FSTL4: variants seen among roughly 807,000 people sequenced by gnomAD.
FSTL4 encodes the protein follistatin like 4.
Under a neutral mutation model 78.2 loss-of-function variants are expected in FSTL4, and 28 were observed. The ratio of observed to expected loss-of-function variants is 0.36; its 90% CI spans 0.27 to 0.49. The LOEUF is 0.49. Ranked by LOEUF, FSTL4 falls within the 20% of genes least tolerant of loss-of-function variation. The pLI is 0.98. For missense variants in FSTL4, 922 were observed against 1,084.9 expected, an observed-to-expected ratio of 0.85 and a Z score of 2.11; for synonymous variants, 422 against 440.5, an observed-to-expected ratio of 0.96 and a Z score of 0.53.
chr5:133,829,216 C>G, the FSTL4 span, among the ~76,000 whole-genome samples: 1 of 152,086 alleles, frequency 6.6e-6, no homozygotes, highest in Non-Finnish European at 1.5e-5. Context: ...ACAGCGAAAC[C>G]CTGTTTCTAC....
At chr5:133,706,990 T>A in the FSTL4 span, among the ~76,000 whole-genome samples, 1 of 152,104 alleles carries the variant, frequency 6.6e-6, no homozygotes, top group Non-Finnish European at 1.5e-5. Flanking sequence ...TCACACTGCA[T>A]CATCATGAGG....
the FSTL4 span, among the ~76,000 whole-genome samples, chr5:133,688,480 T>C: frequency 3.9e-5 from 6 of 152,208 alleles, no homozygotes; most frequent in African/African-American, 1.4e-4. Flanking sequence ...AGAATAGATG[T>C]TAGGAGACAA....
chr5:133,560,553 C>T (rs1157412174), intron 3 of FSTL4, among the ~76,000 whole-genome samples: 6 of 151,868 alleles, frequency 4.0e-5, no homozygotes, highest in Non-Finnish European at 8.8e-5. Flanking sequence ...TTAGTAGAGA[C>T]GGGGTTTTCA....
chr5:133,202,336 C>T (rs1486935320), intron 14 of FSTL4: 5 of 213,664 alleles, frequency 2.3e-5, no homozygotes, highest in Non-Finnish European at 4.6e-5. Context: ...ACCATGATGG[C>T]AGAGTGAGAA....
intron 6 of FSTL4, among the ~76,000 whole-genome samples, chr5:133,307,882 G>A (rs1181912985): frequency 1.3e-5 from 2 of 151,270 alleles, no homozygotes; most frequent in African/African-American, 4.9e-5. Flanking sequence ...CTGGGTTCAC[G>A]CCATTCTCCT....
At chr5:133,448,989 A>G (rs1561721198) in intron 3 of FSTL4, among the ~76,000 whole-genome samples, 1 of 152,082 alleles carries the variant, frequency 6.6e-6, no homozygotes, top group African/African-American at 2.4e-5. Context: ...CCCAGATAAC[A>G]TTTCCATTTT....
intron 3 of FSTL4, among the ~76,000 whole-genome samples, chr5:133,493,507 A>C (rs1483654771): frequency 6.6e-6 from 1 of 152,194 alleles, no homozygotes; most frequent in African/African-American, 2.4e-5. Context: ...AAATTTTCTT[A>C]GTCCCCATTT....
chr5:133,255,340 G>T (rs1224081934), intron 6 of FSTL4, among the ~76,000 whole-genome samples: 1 of 152,252 alleles, frequency 6.6e-6, no homozygotes, highest in Non-Finnish European at 1.5e-5. Context: ...CCTGCTATGA[G>T]AACTGACATT....
At chr5:133,499,073 G>A (rs1758433367) in intron 3 of FSTL4, among the ~76,000 whole-genome samples, 1 of 150,916 alleles carries the variant, frequency 6.6e-6, no homozygotes, top group African/African-American at 2.4e-5. Flanking sequence ...GATATAGCAT[G>A]AGCAGTGACC....
chr5:133,227,938 A>G (rs1751383085), intron 8 of FSTL4, among the ~76,000 whole-genome samples: 1 of 152,226 alleles, frequency 6.6e-6, no homozygotes. Flanking sequence ...TTTAAAAGGA[A>G]ACTTTAGGCC....
At chr5:133,690,206 A>G in the FSTL4 span, among the ~76,000 whole-genome samples, 1 of 152,010 alleles carries the variant, frequency 6.6e-6, no homozygotes, top group East Asian at 1.9e-4. Context: ...TGTCACCTAA[A>G]ATGACCCCCT....
chr5:133,568,486 T>C (rs1760078216), intron 2 of FSTL4, among the ~76,000 whole-genome samples: 1 of 152,134 alleles, frequency 6.6e-6, no homozygotes, highest in Non-Finnish European at 1.5e-5. Flanking sequence ...ACTGGGAAGG[T>C]TGTCCTACCC....
At chr5:133,469,778 C>T (rs1354889141) in intron 3 of FSTL4, among the ~76,000 whole-genome samples, 1 of 152,082 alleles carries the variant, frequency 6.6e-6, no homozygotes, top group East Asian at 1.9e-4. Context: ...CACTGGCGCA[C>T]AGGACAGAGG....
chr5:133,294,702 A>G (rs1249495619), intron 6 of FSTL4, among the ~76,000 whole-genome samples: 1 of 152,150 alleles, frequency 6.6e-6, no homozygotes, highest in African/African-American at 2.4e-5. Flanking sequence ...ATCTACAGGC[A>G]TCCTACTCTC....
At chr5:133,475,378 C>T (rs768890647) in intron 3 of FSTL4, among the ~76,000 whole-genome samples, 3 of 152,186 alleles carry the variant, frequency 2.0e-5, no homozygotes, top group Admixed American at 1.3e-4. Flanking sequence ...ACCGTGGGAA[C>T]GGGGAGGCCA....
intron 3 of FSTL4, among the ~76,000 whole-genome samples, chr5:133,507,866 C>T (rs142004225): frequency 1.3e-4 from 18 of 140,524 alleles, no homozygotes; most frequent in Admixed American, 2.2e-4. Flanking sequence ...TAAAAAATAA[C>T]ATAACCATAA....
intron 6 of FSTL4, among the ~76,000 whole-genome samples, chr5:133,277,778 C>T (rs867040809): frequency 2.5e-4 from 38 of 152,158 alleles, no homozygotes; most frequent in South Asian, 4.1e-4. Context: ...CTTCCCCCAC[C>T]GGCATGATGT....
chr5:133,536,287 C>T (rs1029781095), intron 3 of FSTL4, among the ~76,000 whole-genome samples: 1 of 152,144 alleles, frequency 6.6e-6, no homozygotes, highest in African/African-American at 2.4e-5. Context: ...ATATTTATCT[C>T]ATTTATTTAT....
chr5:133,649,547 A>G, the FSTL4 span, among the ~76,000 whole-genome samples: 136 of 152,320 alleles, frequency 8.9e-4, no homozygotes, highest in African/African-American at 3.1e-3. Flanking sequence ...GGTTTTGACC[A>G]TTCTAATAAG....
Sources: allele counts gnomAD v4.1 joint callset (sites outside exome capture counted in the v4.1 genomes callset), GRCh38; gene constraint gnomAD v4.1.1; transcripts MANE v1.5; gene names NCBI Gene and HGNC (gene_info 2026-07-23, HGNC 2026-07-21).